The following WWOX variants were observed in gnomAD, a reference collection of about 807,000 sequenced individuals.
WWOX encodes WW domain-containing oxidoreductase.
WWOX carries 69 observed loss-of-function variants against 46.2 expected under a neutral mutation model. That is an observed-to-expected ratio of 1.49 (90% confidence interval 1.23 to 1.82). The LOEUF is 1.82. WWOX is among the 40% of genes most tolerant of loss of function. The probability of loss-of-function intolerance (pLI) is 0.00; values close to 1 mark genes in which losing one functional copy is unlikely to be tolerated. For synonymous variants in WWOX, 359 were observed against 202.6 expected (o/e 1.77, Z -6.56); for missense variants, 919 against 542.6 (o/e 1.69, Z -6.89).
chr16:78,672,856 A>G (rs1250190632), intron 8 of WWOX, among the ~76,000 whole-genome samples: 1 of 152,244 alleles, frequency 6.6e-6, no homozygotes, highest in South Asian at 2.1e-4. Flanking sequence ...AAATAGAATC[A>G]TCGCCTTGGT....
At chr16:78,726,103 C>CA (rs1226592855) in intron 8 of WWOX, among the ~76,000 whole-genome samples, 1 of 139,868 alleles carries the variant, frequency 7.1e-6, no homozygotes, top group African/African-American at 2.6e-5. Flanking sequence ...CTCCCTCCCT[C>CA]CCTCCCTCTC....
chr16:78,217,125 T>G (rs752391684), intron 5 of WWOX, among the ~76,000 whole-genome samples: 4 of 152,228 alleles, frequency 2.6e-5, no homozygotes, highest in Non-Finnish European at 5.9e-5. Context: ...TTTCAGGGAT[T>G]AGGACCTGGA....
intron 8 of WWOX, chr16:78,550,765 C>G (rs923818641): frequency 1.3e-5 from 2 of 151,964 alleles, no homozygotes; most frequent in Non-Finnish European, 2.9e-5. Flanking sequence ...AGATGATACG[C>G]TTTTCCATCC....
At chr16:79,115,639 G>A (rs897396313) in intron 8 of WWOX, among the ~76,000 whole-genome samples, 1 of 152,178 alleles carries the variant, frequency 6.6e-6, no homozygotes, top group Non-Finnish European at 1.5e-5. Context: ...TATATGCATG[G>A]AGAATATTTT....
At chr16:78,700,982 C>G (rs1233634622) in intron 8 of WWOX, among the ~76,000 whole-genome samples, 1 of 152,038 alleles carries the variant, frequency 6.6e-6, no homozygotes, top group Non-Finnish European at 1.5e-5. Flanking sequence ...GAAGGAAGTA[C>G]AATGTCCTGG....
At chr16:79,110,971 G>C (rs892920903) in intron 8 of WWOX, 1 of 152,260 alleles carries the variant, frequency 6.6e-6, no homozygotes, top group African/African-American at 2.4e-5. Context: ...AGAAATGGCA[G>C]ATTTTCCCCC....
intron 5 of WWOX, among the ~76,000 whole-genome samples, chr16:78,362,649 C>G (rs2081436119): frequency 6.6e-6 from 1 of 152,010 alleles, no homozygotes; most frequent in African/African-American, 2.4e-5. Flanking sequence ...GAAAAAAAAT[C>G]CTGGTGCTTG....
intron 8 of WWOX, among the ~76,000 whole-genome samples, chr16:79,099,074 G>C (rs1003283737): frequency 1.3e-5 from 2 of 149,554 alleles, no homozygotes; most frequent in African/African-American, 5.1e-5. Context: ...AGATCACATG[G>C]GCAGAGAGGA....
intron 8 of WWOX, among the ~76,000 whole-genome samples, chr16:78,839,908 C>T (rs116862121): frequency 0.028 from 4,284 of 152,274 alleles, 85 homozygotes; most frequent in Middle Eastern, 0.058. Context: ...GGCAGGTAAG[C>T]GCACAAATCC....
chr16:78,135,529 T>C (rs1181893773), intron 4 of WWOX, among the ~76,000 whole-genome samples: 1 of 152,202 alleles, frequency 6.6e-6, no homozygotes, highest in Non-Finnish European at 1.5e-5. Context: ...CTTTACTGAC[T>C]TCTGCACATT....
intron 8 of WWOX, among the ~76,000 whole-genome samples, chr16:78,836,687 G>C (rs72801098): frequency 0.044 from 6,629 of 152,260 alleles, 179 homozygotes; most frequent in Non-Finnish European, 0.06. Context: ...ATGACATGCA[G>C]AAATACTGTA....
intron 8 of WWOX, among the ~76,000 whole-genome samples, chr16:78,630,742 T>G (rs945943519): frequency 6.6e-6 from 1 of 152,174 alleles, no homozygotes; most frequent in Non-Finnish European, 1.5e-5. Context: ...TGAGTCTTCC[T>G]TGCAAACCAC....
chr16:78,258,744 C>T (rs1378356310), intron 5 of WWOX, among the ~76,000 whole-genome samples: 2 of 149,544 alleles, frequency 1.3e-5, no homozygotes, highest in Admixed American at 6.6e-5. Context: ...GGGCATATTC[C>T]CTAGCCAAGG....
intron 8 of WWOX, among the ~76,000 whole-genome samples, chr16:78,656,441 G>A (rs2047083002): frequency 6.6e-6 from 1 of 152,194 alleles, no homozygotes; most frequent in African/African-American, 2.4e-5. Context: ...AGGAAGCCCA[G>A]TTAGGGAGGC....
intron 8 of WWOX, among the ~76,000 whole-genome samples, chr16:78,755,891 A>T (rs954568581): frequency 2.0e-5 from 3 of 152,170 alleles, no homozygotes; most frequent in African/African-American, 7.2e-5. Context: ...GAATTACTGT[A>T]ACTTCATAGG....
chr16:78,957,951 T>A (rs2046201602), intron 8 of WWOX, among the ~76,000 whole-genome samples: 1 of 152,180 alleles, frequency 6.6e-6, no homozygotes, highest in Non-Finnish European at 1.5e-5. Flanking sequence ...ATCAGCACAT[T>A]TGCTGCAAAT....
intron 6 of WWOX, among the ~76,000 whole-genome samples, chr16:78,419,365 T>C (rs547488619): frequency 6.6e-6 from 1 of 152,186 alleles, no homozygotes; most frequent in Non-Finnish European, 1.5e-5. Flanking sequence ...TTGGAGGGCT[T>C]CCATTTCTCA....
At position 78,584,312 on chromosome 16, in the gene WWOX, C is replaced by T. The variant is rs118064591; in HGVS notation, c.1056+151560C>T. Among the ~76,000 whole-genome samples, 30 of 152,308 alleles carry T rather than the reference C, an allele frequency of 2.0e-4. 1 individual carries two copies. Among genetic ancestry groups the T allele is most frequent in the Non-Finnish European group, 3.8e-4 (26 of 68,036 alleles). ...CATGGAGTCATGAGTCAAAGATGGT[C>T]AAATTGGCCAAGATGAAGGTGTTTG... is the stretch of plus-strand genomic sequence containing the variant. On this transcript the variant is annotated intron_variant, in intron 8 of 8. Transcript: ENST00000566780.
chr16:78,437,075 C>T (rs72797987), intron 8 of WWOX, among the ~76,000 whole-genome samples: 2,506 of 152,260 alleles, frequency 0.016, 28 homozygotes, highest in Non-Finnish European at 0.023. Context: ...CCTTCTGACA[C>T]GGGTATTGCT....
Sources: gnomAD v4.1 joint callset for allele counts (sites outside exome capture counted in the v4.1 genomes callset) on GRCh38, gnomAD v4.1.1 for gene constraint, MANE v1.5 for transcripts, NCBI Gene and HGNC (gene_info 2026-07-23, HGNC 2026-07-21) for gene names.